TSEN34: variants seen among roughly 807,000 people sequenced by gnomAD.
The protein encoded by TSEN34 is tRNA splicing endonuclease subunit 34.
In TSEN34, 25 loss-of-function variants were observed where a neutral mutation model predicts 30.2. That is an observed-to-expected ratio of 0.83 (90% CI 0.60 to 1.16). TSEN34 has a LOEUF of 1.16. Among genes scored for constraint, TSEN34 ranks in the 50% most tolerant of loss-of-function variants. The pLI, the probability that TSEN34 is intolerant of heterozygous loss-of-function variation, is 0.00. For synonymous variants in TSEN34, 209 were observed against 177.4 expected (o/e 1.18, Z -1.41); for missense variants, 475 against 411.9 (o/e 1.15, Z -1.33).
chr19:54,190,559 T>G, upstream of TSEN34: 1 of 1,233,438 alleles, frequency 8.1e-7, no homozygotes, highest in Middle Eastern at 3.0e-4. Context: ...GCGCTGGCGC[T>G]CGGAGGGGGC....
rs1428752380 is a variant in TSEN34, at chr19:54,191,721, G to A, written c.244G>A (p.Ala82Thr). ...PRPDSRHHSL[A>T]LTSFKRQQEE... ...GGTTCCAGCGAAGTGTGCTTCTCAG[G>A]CCCTGACATCCTTCAAGCGCCAGCA... The change falls in exon 2 of 4, where the codon GCC becomes ACC. Residue 82 changes from alanine (A) to threonine (T), a missense_variant and splice_region_variant. Transcript: ENST00000396388. 6.2e-7 allele frequency: 1 copy of A among 1,613,966 alleles called. No homozygotes were observed. Among genetic ancestry groups the A allele is most frequent in the Admixed American group, 1.7e-5 (1 of 60,028 alleles).
At chr19:54,190,573 G>A (rs563726131), upstream of TSEN34, 22 of 1,256,234 alleles carry the variant, frequency 1.8e-5, no homozygotes, top group East Asian at 6.9e-4. Flanking sequence ...AGGGGGCGGG[G>A]CCACAGGCCG....
chr19:54,190,396 A>G (rs1029592714), upstream of TSEN34: 2 of 1,490,574 alleles, frequency 1.3e-6, no homozygotes, highest in African/African-American at 1.4e-5. Context: ...CTATCGGTGG[A>G]CAGTGGGACA....
chr19:54,192,426 G>A (rs2076745186), intron 3 of TSEN34, 53 bp downstream of exon 3: 4 of 1,564,302 alleles, frequency 2.6e-6, no homozygotes, highest in African/African-American at 1.4e-5. Flanking sequence ...CGATCCCAAT[G>A]TATTCTGCGT....
rs535824359 is a variant in TSEN34 at position 54,192,003 on chromosome 19, A to G, written c.487+39A>G. The G allele has an allele frequency of 1.2e-4, 199 of 1,614,068 alleles. 5 individuals are homozygous for G. The South Asian group carries it at 2.2e-3, about 17-fold the overall frequency. On this transcript the variant is annotated intron_variant, in intron 2 of 3. Coordinates refer to ENST00000396388, the MANE Select transcript of TSEN34 (RefSeq NM_001077446.4). ...GTGGAGTCCAGGGACCACGGGAAGGAGAGGAGAGATCTTTTAGGAATTTTA... is the reference window on the plus strand; with the variant it reads ...GTGGAGTCCAGGGACCACGGGAAGGGGAGGAGAGATCTTTTAGGAATTTTA...
In TSEN34 at chr19:54,194,243, T is replaced by C. The variant is rs1008996440; in HGVS notation, c.*881T>C. ...TGTGTGTGTATATATATATATATTA[T>C]GAAAGGAAATGAGTATTGTAATTTT... On this transcript the variant is annotated 3_prime_UTR_variant, in exon 4 of 4. Transcript: ENST00000396388. The C allele has an allele frequency of 4.6e-5, 7 of 151,948 alleles. No homozygotes were observed. Among genetic ancestry groups the C allele is most frequent in the African/African-American group, 1.7e-4 (7 of 41,348 alleles). The allele number at this position is 151,948 out of a possible 1,614,324, so 9.4% of individuals were successfully genotyped here. A position where few individuals can be genotyped will look rare whatever the true frequency, so the allele number is the denominator to read the frequency against.
At chr19:54,192,093 C>T (rs748243397) in intron 2 of TSEN34, 23 bp from the exon 3 acceptor site, 5 of 1,614,192 alleles carry the variant, frequency 3.1e-6, no homozygotes, top group African/African-American at 1.3e-5. Context: ...ATTTACCAAA[C>T]TCTTCTCTGT....
upstream of TSEN34, chr19:54,190,133 C>G: frequency 1.8e-6 from 1 of 551,432 alleles, no homozygotes; most frequent in Non-Finnish European, 3.2e-6. Flanking sequence ...CTCAAGTTCC[C>G]AAGTAGAGGA....
upstream of TSEN34, chr19:54,191,160 C>T: frequency 7.4e-7 from 1 of 1,360,080 alleles, no homozygotes; most frequent in South Asian, 1.8e-5. Flanking sequence ...TCGTCTCCGG[C>T]GGCCGCGAGG....
upstream of TSEN34, chr19:54,190,641 G>C: frequency 7.9e-7 from 1 of 1,261,650 alleles, no homozygotes. Flanking sequence ...CCGGGAGGAG[G>C]CGGGGCTACG....
upstream of TSEN34, chr19:54,190,389 TCGGTGGA>T: frequency 3.3e-6 from 5 of 1,500,036 alleles, no homozygotes; most frequent in Non-Finnish European, 4.5e-6. Flanking sequence ...GCTGGTTCTA[TCGGTGGA>T]CAGTGGGACA....
rs1405480233 is a variant in TSEN34, at chr19:54,193,690, T to C, written c.*328T>C. 1 of 823,332 alleles carries C rather than the reference T, an allele frequency of 1.2e-6. No individual in the cohort carries two copies. The highest frequency in any genetic ancestry group is 2.0e-6 in the Non-Finnish European group (1 of 495,780). 51.0% of individuals were successfully genotyped at this position (823,332 alleles called of 1,614,324 possible). The stretch of plus-strand genomic sequence containing the variant: ...TTCATGATTTGAATGTTTGCGACAG[T>C]CCTGGAACCCGTGGATGGTCTCATC... On this transcript the variant is annotated 3_prime_UTR_variant, in exon 4 of 4. Coordinates refer to ENST00000396388, the MANE Select transcript of TSEN34 (RefSeq NM_001077446.4).
At position 54,191,353 on chromosome 19, in the gene TSEN34, T is replaced by C. The variant is rs2076683266; in HGVS notation, c.-12T>C. Reference sequence around the variant, plus strand: ...TTCGGTAACTGCTTTGCCTCCCGGCTCCCGCAGGAGGATGCTGGTGGTGGA... The same window carrying C: ...TTCGGTAACTGCTTTGCCTCCCGGCCCCCGCAGGAGGATGCTGGTGGTGGA... On this transcript the variant is annotated 5_prime_UTR_variant, in exon 1 of 4. Coordinates refer to ENST00000396388, the MANE Select transcript of TSEN34 (RefSeq NM_001077446.4). The C allele has an allele frequency of 1.3e-6, 2 of 1,549,358 alleles. No individual in the cohort carries two copies. Among genetic ancestry groups the C allele is most frequent in the South Asian group, 2.4e-5 (2 of 84,104 alleles).
In TSEN34 at chr19:54,194,004, C is replaced by G; in HGVS notation, c.*642C>G. On this transcript the variant is annotated 3_prime_UTR_variant, in exon 4 of 4. Coordinates refer to ENST00000396388, the MANE Select transcript of TSEN34 (RefSeq NM_001077446.4). ...ATCGCTTGAGCCCAGGAGTTTGAGA[C>G]CAGCTCTGGCAACATTGTAATACCC... 1 of 311,014 alleles carries G rather than the reference C, an allele frequency of 3.2e-6. No individual in the cohort carries two copies. The highest frequency in any genetic ancestry group is 6.5e-5 in the East Asian group (1 of 15,378). The allele number at this position is 311,014 out of a possible 1,614,324, so 19.3% of individuals were successfully genotyped here.
In TSEN34 at chr19:54,191,759, C is replaced by G; in HGVS notation, c.282C>G (p.Phe94Leu). 6.2e-7 allele frequency: 1 copy of G among 1,614,166 alleles called. No homozygotes were observed. ...TSFKRQQEES[F>L]QEQSALAAEA... ...TCAAGCGCCAGCAAGAGGAGAGCTTCCAGGAGCAGAGCGCCTTGGCAGCTG... is the reference window on the plus strand; with the variant it reads ...TCAAGCGCCAGCAAGAGGAGAGCTTGCAGGAGCAGAGCGCCTTGGCAGCTG... Residue 94 changes from phenylalanine to leucine, a missense_variant, in exon 2 of 4, where the codon TTC (phenylalanine) becomes TTG (leucine). Phe to Leu is a conservative substitution (Grantham distance 22). Transcript: ENST00000396388.
chr19:54,193,887 G>A lies in TSEN34; in HGVS notation c.*525G>A. 3.4e-6 allele frequency: 2 copies of A among 586,108 alleles called. No homozygotes were observed. Among genetic ancestry groups the A allele is most frequent in the Admixed American group, 3.1e-5 (1 of 32,522 alleles). The allele number at this position is 586,108 out of a possible 1,614,324, so 36.3% of individuals were successfully genotyped here. ...GAAAAGATTTCTATGAAATTTCCCA[G>A]ATGCATACAAACGTTATAAATAAAA... is the stretch of plus-strand genomic sequence containing the variant. On this transcript the variant is annotated 3_prime_UTR_variant, in exon 4 of 4. Coordinates refer to ENST00000396388, the MANE Select transcript of TSEN34 (RefSeq NM_001077446.4).
chr19:54,190,666 G>C (rs1473678495), upstream of TSEN34: 1 of 1,253,804 alleles, frequency 8.0e-7, no homozygotes, highest in Admixed American at 4.0e-5. Context: ...CGGCCGAGCC[G>C]AGAACACCCG....
At chr19:54,190,881 C>T, upstream of TSEN34, 1 of 1,044,720 alleles carries the variant, frequency 9.6e-7, no homozygotes, top group African/African-American at 1.7e-5. Context: ...AGGGTGTGGC[C>T]TCGGCGGTGC....
In TSEN34 at chr19:54,193,503, C is replaced by G; in HGVS notation, c.*141C>G. On this transcript the variant is annotated 3_prime_UTR_variant, in exon 4 of 4. Transcript: ENST00000396388. ...GATTCCAGGTTTTCGAACACTACAT[C>G]TTTTTTATGTTCTTCCTTGTTTCAA... 6.5e-7 allele frequency: 1 copy of G among 1,545,190 alleles called. No individual in the cohort carries two copies. Among genetic ancestry groups the G allele is most frequent in the East Asian group, 2.4e-5 (1 of 40,926 alleles).
Sources: allele counts gnomAD v4.1 joint callset, GRCh38; gene constraint gnomAD v4.1.1; transcripts MANE v1.5; gene names NCBI Gene and HGNC (gene_info 2026-07-23, HGNC 2026-07-21).